Variants in RPS6KL1 observed in about 807,000 individuals in gnomAD.
The protein encoded by RPS6KL1 is ribosomal protein S6 kinase-like 1.
A neutral mutation model predicts 57.0 loss-of-function variants in RPS6KL1; 41 were observed. That is an observed-to-expected ratio of 0.72 (90% CI 0.56 to 0.93). RPS6KL1 has a LOEUF of 0.93. Ranked by LOEUF, RPS6KL1 falls within the 40% of genes least tolerant of loss-of-function variation. The pLI is 0.00. For missense variants in RPS6KL1, 697 were observed against 727.7 expected (o/e 0.96, Z 0.49); for synonymous variants, 287 against 309.7 (o/e 0.93, Z 0.77).
In RPS6KL1 at chr14:74,921,460, C is replaced by T. The variant is rs748045133; in HGVS notation, c.82G>A (p.Val28Met). Residue 28 changes from valine to methionine, a missense_variant, in exon 3 of 12, where the codon GTG (valine) becomes ATG (methionine). By Grantham distance (21) the Val-to-Met change is conservative. Transcript: ENST00000557413. ...PCSRARSQAH[V>M]YLEQIRNRVA... ...CTGTTGCGAATCTGCTCCAGGTACA[C>T]GTGAGCTTGGGACCGTGCTCGTGAG... 1.1e-5 allele frequency: 17 copies of T among 1,614,018 alleles called. No individual in the cohort carries two copies. Among genetic ancestry groups the T allele is most frequent in the Non-Finnish European group, 1.2e-5 (14 of 1,180,010 alleles).
chr14:74,922,844 G>A (rs1307735045), intron 1 of RPS6KL1, among the ~76,000 whole-genome samples: 1 of 152,226 alleles, frequency 6.6e-6, no homozygotes, highest in Non-Finnish European at 1.5e-5. Flanking sequence ...GGGGCGGGGA[G>A]GGAGACCCAC....
In RPS6KL1 at chr14:74,911,318, G is replaced by C. The variant is rs745913682; in HGVS notation, c.594C>G (p.Pro198=). ...ERLTIIPHGV[P]YMTKLLRYFV... Reference sequence around the variant, plus strand: ...AGTACCTGAGCAGCTTCGTCATGTAGGGGACTCCGTGTGGGATGATGGTCA... The same window carrying C: ...AGTACCTGAGCAGCTTCGTCATGTACGGGACTCCGTGTGGGATGATGGTCA... Residue 198 remains proline (P), a synonymous_variant, in exon 7 of 12, where the codon CCC becomes CCG. Transcript: ENST00000557413. 6.2e-7 allele frequency: 1 copy of C among 1,612,264 alleles called. No individual in the cohort carries two copies. Among genetic ancestry groups the C allele is most frequent in the South Asian group, 1.1e-5 (1 of 91,080 alleles).
rs560671744 is a variant in RPS6KL1, at chr14:74,921,015, A to G, written c.265+262T>C. On this transcript the variant is annotated intron_variant, in intron 3 of 11. Coordinates refer to ENST00000557413, the MANE Select transcript of RPS6KL1 (RefSeq NM_031464.5). Reference sequence around the variant, plus strand: ...ATGGTTCCTGTGTGCTTGGAACAACATACAACAACATATATAGTAATTTCT... The same window carrying G: ...ATGGTTCCTGTGTGCTTGGAACAACGTACAACAACATATATAGTAATTTCT... Among the ~76,000 whole-genome samples the G allele has an allele frequency of 2.6e-5, 4 of 152,372 alleles. No homozygotes were observed. The South Asian group carries it at 8.3e-4, about 32-fold the overall frequency.
chr14:74,922,903 G>T (rs1360813714), intron 1 of RPS6KL1, among the ~76,000 whole-genome samples: 1 of 152,232 alleles, frequency 6.6e-6, no homozygotes, highest in Non-Finnish European at 1.5e-5. Context: ...CGGCCAGGAG[G>T]CAGAGGGAGG....
chr14:74,911,769 G>T (rs1359279524), intron 6 of RPS6KL1, 25 bp downstream of exon 6: 1 of 1,554,644 alleles, frequency 6.4e-7, no homozygotes, highest in African/African-American at 1.4e-5. Flanking sequence ...GGAATGCAGA[G>T]TGGCAGGGGC....
intron 6 of RPS6KL1, 195 bp downstream of exon 6, chr14:74,911,587 GTGTTTGTGTGTA>G: frequency 5.0e-6 from 3 of 596,508 alleles, no homozygotes; most frequent in Non-Finnish European, 8.3e-6. Context: ...GTGTGCATGT[GTGTTTGTGTGTA>G]TGTGTATGTG....
At position 74,909,087 on chromosome 14, in the gene RPS6KL1, T is replaced by A. The variant is rs1245847633; in HGVS notation, c.1360+14A>T. 6 of 1,612,978 alleles carry A rather than the reference T, an allele frequency of 3.7e-6. No homozygotes were observed. The highest frequency in any genetic ancestry group is 5.1e-6 in the Non-Finnish European group (6 of 1,179,228). On this transcript the variant is annotated intron_variant, in intron 9 of 11. Transcript: ENST00000557413. ...CCAGGTGCTAAGGCCCACCCTGGCC[T>A]CCCCCCTTCTTGCCTGGGGCGCTGT...
In RPS6KL1 at chr14:74,918,588, C is replaced by A. The variant is rs1178309173; in HGVS notation, c.408G>T (p.Arg136Ser). The stretch of plus-strand genomic sequence containing the variant: ...AGCTCAGCGTGCGAATGGGCCGGAG[C>A]CTCAGGCTGCTGAAACCCTGCAGAG... The part of the protein sequence containing the change: ...ASPSAGFSSL[R>S]LRPIRTLSSA... Residue 136 changes from arginine to serine, a missense_variant, in exon 5 of 12, where the codon AGG (arginine) becomes AGT (serine). Coordinates refer to ENST00000557413, the MANE Select transcript of RPS6KL1 (RefSeq NM_031464.5). 1.3e-6 allele frequency: 2 copies of A among 1,534,286 alleles called. No homozygotes were observed. The highest frequency in any genetic ancestry group is 2.4e-5 in the South Asian group (2 of 83,484).
In RPS6KL1 at chr14:74,907,035, T is replaced by C. The variant is rs959330130; in HGVS notation, c.1629A>G (p.Gln543=). 9.3e-6 allele frequency: 15 copies of C among 1,612,738 alleles called. No individual in the cohort carries two copies. The highest frequency in any genetic ancestry group is 6.7e-5 in the Admixed American group (4 of 59,764). ...LKSHPFFSTI[Q]WSKLVG ...CCTCTTACCCCACCAGCTTGCTCCA[T>C]TGGATGGTACTGAAAAAGGGATGGG... The change falls in exon 12 of 12, where the codon CAA becomes CAG. Residue 543 remains glutamine, a synonymous_variant. Coordinates refer to ENST00000557413, the MANE Select transcript of RPS6KL1 (RefSeq NM_031464.5).
chr14:74,906,787 AG>A lies in RPS6KL1; in HGVS notation c.*226del. 1.5e-6 allele frequency: 1 copy of A among 688,220 alleles called. No homozygotes were observed. 42.6% of individuals were successfully genotyped at this position (688,220 alleles called of 1,614,324 possible). A position where few individuals can be genotyped will look rare whatever the true frequency, so the allele number is the denominator to read the frequency against. ...GATGGGTAGATGGTTCAAGCTGCTT[AG>A]CAGGGCAAGCCTTGACTGCCCCCAC... On this transcript the variant is annotated 3_prime_UTR_variant, in exon 12 of 12. Transcript: ENST00000557413.
At chr14:74,908,495 G>C (rs1885297403) in intron 10 of RPS6KL1, among the ~76,000 whole-genome samples, 1 of 152,136 alleles carries the variant, frequency 6.6e-6, no homozygotes, top group Admixed American at 6.5e-5. Context: ...CAGCCAACGA[G>C]GTCATGGGTG....
intron 4 of RPS6KL1, 137 bp from the exon 5 acceptor site, chr14:74,918,742 AC>A: frequency 1.7e-6 from 1 of 597,078 alleles, no homozygotes; most frequent in Non-Finnish European, 2.9e-6. Flanking sequence ...GGCAGGCCCC[AC>A]CCCACAGTGG....
chr14:74,910,371 AAC>A, intron 7 of RPS6KL1: 2 of 268,966 alleles, frequency 7.4e-6, no homozygotes, highest in Non-Finnish European at 1.3e-5. Flanking sequence ...CAGCCTTACA[AAC>A]TGGCACACCA....
intron 8 of RPS6KL1, 146 bp downstream of exon 8, chr14:74,909,397 C>A: frequency 8.6e-7 from 1 of 1,166,230 alleles, no homozygotes; most frequent in Non-Finnish European, 1.2e-6. Flanking sequence ...CCTCGGCCAA[C>A]AGACTCCAGC....
chr14:74,912,074 T>A lies in RPS6KL1; in HGVS notation c.484-233A>T, dbSNP rs369900792. Among the ~76,000 whole-genome samples, 4 of 152,210 alleles carry A rather than the reference T, an allele frequency of 2.6e-5. No individual in the cohort carries two copies. The East Asian group carries it at 7.7e-4, about 29-fold the overall frequency. ...CCTCCTCCAGGAAGCCTTCCCAAGA[T>A]TACAGGGGCTGGGGTCCCTAATCTG... On this transcript the variant is annotated intron_variant, in intron 5 of 11. Coordinates refer to ENST00000557413, the MANE Select transcript of RPS6KL1 (RefSeq NM_031464.5).
intron 5 of RPS6KL1, among the ~76,000 whole-genome samples, chr14:74,916,797 G>A (rs1886923141): frequency 6.6e-6 from 1 of 152,184 alleles, no homozygotes; most frequent in Non-Finnish European, 1.5e-5. Context: ...GGGGAATTCT[G>A]TGTCACAGTG....
chr14:74,922,997 T>TCAGGGTCCACCCCGCCGGG (rs1397913718), intron 1 of RPS6KL1, among the ~76,000 whole-genome samples, 183 bp downstream of exon 1: 1 of 152,074 alleles, frequency 6.6e-6, no homozygotes, highest in Non-Finnish European at 1.5e-5. Flanking sequence ...AGGACTGGCT[T>TCAGGGTCCACCCCGCCGGG]CAGGGTCCAC....
At chr14:74,920,859 T>G (rs1484115676) in intron 3 of RPS6KL1, among the ~76,000 whole-genome samples, 1 of 152,112 alleles carries the variant, frequency 6.6e-6, no homozygotes, top group Non-Finnish European at 1.5e-5. Flanking sequence ...AACAGTCAGG[T>G]GTAGTGGGCC....
rs371561841 is a variant in RPS6KL1 at position 74,909,196 on chromosome 14, G to C, written c.1271-6C>G. The C allele has an allele frequency of 6.2e-7, 1 of 1,613,526 alleles. No homozygotes were observed. Among genetic ancestry groups the C allele is most frequent in the Non-Finnish European group, 8.5e-7 (1 of 1,179,540 alleles). ...ATATGTGAGCCGGATGTGACCTCCA[G>C]TGTGTGGGAGGAAAAAGGAGGGGAC... On this transcript the variant is annotated splice_region_variant and splice_polypyrimidine_tract_variant and intron_variant, in intron 8 of 11. Transcript: ENST00000557413.
Sources: gnomAD v4.1 joint callset for allele counts (sites outside exome capture counted in the v4.1 genomes callset) on GRCh38, gnomAD v4.1.1 for gene constraint, MANE v1.5 for transcripts, NCBI Gene and HGNC (gene_info 2026-07-23, HGNC 2026-07-21) for gene names.